SLCO6A1: variants seen among roughly 807,000 people sequenced by gnomAD.
The protein encoded by SLCO6A1 is cancer/testis antigen 48.
Under a neutral mutation model 72.7 loss-of-function variants are expected in SLCO6A1, and 65 were observed. The ratio of observed to expected loss-of-function variants is 0.89; its 90% CI spans 0.73 to 1.10. SLCO6A1 has a LOEUF of 1.10. Ranked by LOEUF, SLCO6A1 falls within the 50% of genes least tolerant of loss-of-function variation. The probability of loss-of-function intolerance (pLI) is 0.00; values close to 1 mark genes in which losing one functional copy is unlikely to be tolerated. For synonymous variants in SLCO6A1, 314 were observed against 298.2 expected, an observed-to-expected ratio of 1.05 and a Z score of -0.55; for missense variants, 874 against 872.6, an observed-to-expected ratio of 1.00 and a Z score of -0.02.
chr5:102,415,453 T>C (rs549874250), intron 8 of SLCO6A1, among the ~76,000 whole-genome samples: 4 of 152,120 alleles, frequency 2.6e-5, no homozygotes. Context: ...GATATACATT[T>C]AGAGAAAGGA....
At chr5:102,441,979 G>A (rs1037812662) in intron 6 of SLCO6A1, among the ~76,000 whole-genome samples, 1 of 151,798 alleles carries the variant, frequency 6.6e-6, no homozygotes, top group Non-Finnish European at 1.5e-5. Context: ...GCTCACAAAT[G>A]TTATTTATTC....
intron 7 of SLCO6A1, among the ~76,000 whole-genome samples, chr5:102,425,221 G>A (rs1321488176): frequency 6.6e-6 from 1 of 152,140 alleles, no homozygotes; most frequent in Admixed American, 6.5e-5. Flanking sequence ...AGACAAGGAT[G>A]CCCTCTCGCA....
chr5:102,411,314 G>C (rs951514177), intron 9 of SLCO6A1, among the ~76,000 whole-genome samples: 4 of 151,918 alleles, frequency 2.6e-5, no homozygotes, highest in African/African-American at 9.7e-5. Flanking sequence ...ACCCAGGCTG[G>C]AGCACAGTGG....
At chr5:102,449,516 A>G (rs1197110077) in intron 6 of SLCO6A1, among the ~76,000 whole-genome samples, 2 of 151,708 alleles carry the variant, frequency 1.3e-5, no homozygotes, top group Admixed American at 1.3e-4. Flanking sequence ...CCTCCCAAGT[A>G]GCTGAGACTA....
Position 102,498,913 on chromosome 5 carries a change from C to A in SLCO6A1, c.-69G>T. The A allele has an allele frequency of 2.1e-6, 3 of 1,439,600 alleles. No homozygotes were observed. Among genetic ancestry groups the A allele is most frequent in the Non-Finnish European group, 2.8e-6 (3 of 1,070,594 alleles). The allele number at this position is 1,439,600 out of a possible 1,614,324, so 89.2% of individuals were successfully genotyped here. ...CGGCTGCCCGTCCTGCCTGGGCCAA[C>A]CCAAAGGCCAGCCTGGCGAGGGCGT... On this transcript the variant is annotated 5_prime_UTR_variant, in exon 1 of 14. Coordinates refer to ENST00000506729, the MANE Select transcript of SLCO6A1 (RefSeq NM_173488.5).
intron 9 of SLCO6A1, among the ~76,000 whole-genome samples, chr5:102,411,881 A>T (rs540122784): frequency 1.3e-5 from 2 of 152,288 alleles, no homozygotes; most frequent in South Asian, 4.1e-4. Context: ...CAAATAACGT[A>T]ACATTTCTTT....
At chr5:102,461,233 G>A (rs1327777865) in intron 4 of SLCO6A1, among the ~76,000 whole-genome samples, 2 of 151,864 alleles carry the variant, frequency 1.3e-5, no homozygotes, top group Non-Finnish European at 2.9e-5. Flanking sequence ...ACAAATGTAT[G>A]AAATGCCTAG....
intron 7 of SLCO6A1, among the ~76,000 whole-genome samples, chr5:102,437,481 T>C (rs181267616): frequency 6.6e-6 from 1 of 152,104 alleles, no homozygotes; most frequent in Non-Finnish European, 1.5e-5. Flanking sequence ...AATCCATTGA[T>C]AATAGCCTTA....
chr5:102,428,621 T>C (rs1749044788), intron 7 of SLCO6A1, among the ~76,000 whole-genome samples: 1 of 152,118 alleles, frequency 6.6e-6, no homozygotes, highest in African/African-American at 2.4e-5. Flanking sequence ...TAGTACCTGA[T>C]AGTTATTTTT....
intron 1 of SLCO6A1, among the ~76,000 whole-genome samples, chr5:102,485,269 TAAATAAATAAATAAATAAATAAATA>T (rs1418384906): frequency 3.8e-4 from 47 of 123,832 alleles, no homozygotes; most frequent in Admixed American, 2.2e-3. Context: ...AATAAATAAA[TAAATAAATAAATAAATAAATAAATA>T]AAATAAAATA....
chr5:102,446,169 C>G lies in SLCO6A1; in HGVS notation c.1132-7408G>C, dbSNP rs188990395. Among the ~76,000 whole-genome samples, 142 of 152,224 alleles carry G rather than the reference C, an allele frequency of 9.3e-4. 1 individual carries two copies. The highest frequency in any genetic ancestry group is 1.7e-3 in the Non-Finnish European group (118 of 68,018). On this transcript the variant is annotated intron_variant, in intron 6 of 13. Coordinates refer to ENST00000506729, the MANE Select transcript of SLCO6A1 (RefSeq NM_173488.5). ...CTGTAAATAGCTTTGGGCAGAATGGCCATTTTAACTATATTGATTCTTCCT... is the reference window on the plus strand; with the variant it reads ...CTGTAAATAGCTTTGGGCAGAATGGGCATTTTAACTATATTGATTCTTCCT...
In SLCO6A1 at chr5:102,455,323, T is replaced by C. The variant is rs537891848; in HGVS notation, c.1131+3059A>G. 3.3e-5 allele frequency among the ~76,000 whole-genome samples: 5 copies of C among 152,150 alleles called. No individual in the cohort carries two copies. The South Asian group carries it at 1.0e-3, about 32-fold the overall frequency. On this transcript the variant is annotated intron_variant, in intron 6 of 13. Transcript: ENST00000506729. ...AGATCTTCAAAGTCCTATTAAAGGG[T>C]ATGAAATTCATCTATCAAGTAATCT...
At chr5:102,385,672 C>T (rs532713045) in intron 12 of SLCO6A1, among the ~76,000 whole-genome samples, 34 of 151,894 alleles carry the variant, frequency 2.2e-4, no homozygotes, top group African/African-American at 7.7e-4. Context: ...GCTTGTATCT[C>T]TATTGTATTC....
At chr5:102,388,892 C>G in intron 11 of SLCO6A1, 67 bp from the exon 12 acceptor site, 1 of 1,379,810 alleles carries the variant, frequency 7.2e-7, no homozygotes, top group Non-Finnish European at 9.9e-7. Flanking sequence ...GTAATGCACA[C>G]ACAGATAATA....
At chr5:102,457,575 T>C (rs1750795385) in intron 6 of SLCO6A1, among the ~76,000 whole-genome samples, 1 of 152,206 alleles carries the variant, frequency 6.6e-6, no homozygotes, top group Non-Finnish European at 1.5e-5. Context: ...CCAGTTAGAA[T>C]GGCGATCATT....
rs141829498 is a variant in SLCO6A1 at position 102,426,697 on chromosome 5, G to A, written c.1277-6676C>T. ...GAGTGTAAATTAGTTCAATCATTGC[G>A]GAAAACAGTGTGGTGCTTCCTCAAG... On this transcript the variant is annotated intron_variant, in intron 7 of 13. Coordinates refer to ENST00000506729, the MANE Select transcript of SLCO6A1 (RefSeq NM_173488.5). Among the ~76,000 whole-genome samples the A allele has an allele frequency of 4.9e-3, 745 of 152,228 alleles. 6 individuals are homozygous for A. Among genetic ancestry groups the A allele is most frequent in the Non-Finnish European group, 8.4e-3 (571 of 68,014 alleles).
chr5:102,374,626 A>C (rs963284416), intron 12 of SLCO6A1, among the ~76,000 whole-genome samples: 1 of 152,230 alleles, frequency 6.6e-6, no homozygotes, highest in African/African-American at 2.4e-5. Context: ...AACATTAATG[A>C]TTCTATGCCA....
intron 4 of SLCO6A1, among the ~76,000 whole-genome samples, chr5:102,461,803 A>C (rs1751053210): frequency 6.6e-6 from 1 of 152,168 alleles, no homozygotes; most frequent in Non-Finnish European, 1.5e-5. Flanking sequence ...ACACATTTAC[A>C]AAAGTACTGG....
intron 4 of SLCO6A1, among the ~76,000 whole-genome samples, chr5:102,464,011 G>A (rs1265420666): frequency 6.6e-6 from 1 of 152,066 alleles, no homozygotes; most frequent in East Asian, 1.9e-4. Flanking sequence ...GGCATAAGAA[G>A]AAATGTAATG....
Sources: gnomAD v4.1 joint callset for allele counts (sites outside exome capture counted in the v4.1 genomes callset) on GRCh38, gnomAD v4.1.1 for gene constraint, MANE v1.5 for transcripts, NCBI Gene and HGNC (gene_info 2026-07-23, HGNC 2026-07-21) for gene names.